The following HIPK2 variants were observed in gnomAD, a reference collection of about 807,000 sequenced individuals.
HIPK2 encodes homeodomain interacting protein kinase 2.
In HIPK2, 27 loss-of-function variants were observed where a neutral mutation model predicts 113.7. The ratio of observed to expected loss-of-function variants is 0.24; its 90% confidence interval spans 0.17 to 0.33. HIPK2 has a LOEUF of 0.33. HIPK2 is among the 10% of genes least tolerant of loss of function. HIPK2 has a pLI of 1.00. For synonymous variants in HIPK2, 631 were observed against 642.2 expected (o/e 0.98, Z 0.26); for missense variants, 1,257 against 1,588.0 (o/e 0.79, Z 3.54).
chr7:139,620,366 G>A (rs1800192664), intron 7 of HIPK2, 35 bp downstream of exon 7: 1 of 1,612,240 alleles, frequency 6.2e-7, no homozygotes, highest in Admixed American at 1.7e-5. Context: ...ACACTGTGCA[G>A]CCCCGCCTCT....
rs557572356 is a variant in HIPK2 at position 139,596,819 on chromosome 7, C to T, written c.2615G>A (p.Arg872Gln). 16 of 1,613,960 alleles carry T rather than the reference C, an allele frequency of 9.9e-6. No individual in the cohort carries two copies. The East Asian group carries it at 1.3e-4, about 13-fold the overall frequency. The change falls in exon 12 of 15, where the codon CGG becomes CAG. Residue 872 changes from arginine to glutamine, a missense_variant. By Grantham distance (43) the Arg-to-Gln change is conservative. Transcript: ENST00000406875. The part of the protein sequence containing the change: ...VASSTTRERQ[R>Q]QTIVIPDTPS... ...AGTGTCGGGAATGACAATTGTCTGCCGCTGCCGTTCCCGGGTGGTGCTGGA... is the reference window on the plus strand; with the variant it reads ...AGTGTCGGGAATGACAATTGTCTGCTGCTGCCGTTCCCGGGTGGTGCTGGA...
chr7:139,763,915 T>C (rs762815712), intron 1 of HIPK2, among the ~76,000 whole-genome samples: 5 of 152,232 alleles, frequency 3.3e-5, no homozygotes, highest in Non-Finnish European at 5.9e-5. Flanking sequence ...CAACTGTCTA[T>C]ATAGTGCCAC....
chr7:139,776,760 G>A (rs955744027), intron 1 of HIPK2, among the ~76,000 whole-genome samples: 1 of 152,224 alleles, frequency 6.6e-6, no homozygotes, highest in African/African-American at 2.4e-5. Flanking sequence ...ACATCGAAGT[G>A]TAAAAACTTA....
chr7:139,629,148 GAAGAGA>G, intron 4 of HIPK2, 109 bp from the exon 5 acceptor site: 1 of 860,278 alleles, frequency 1.2e-6, no homozygotes, highest in East Asian at 2.7e-5. Context: ...CCACATTTCG[GAAGAGA>G]TTTTGATTCT....
intron 2 of HIPK2, among the ~76,000 whole-genome samples, chr7:139,649,663 C>T (rs886561397): frequency 5.3e-5 from 8 of 152,174 alleles, no homozygotes; most frequent in Admixed American, 4.6e-4. Context: ...CCTGTCTGTG[C>T]CTCTGATTAA....
intron 2 of HIPK2, among the ~76,000 whole-genome samples, chr7:139,701,391 G>C (rs1267707239): frequency 6.6e-6 from 1 of 152,226 alleles, no homozygotes; most frequent in African/African-American, 2.4e-5. Flanking sequence ...AGGCTGTGAG[G>C]CTAGACATGA....
At chr7:139,635,991 C>A (rs1031677237) in intron 2 of HIPK2, among the ~76,000 whole-genome samples, 1 of 152,216 alleles carries the variant, frequency 6.6e-6, no homozygotes, top group East Asian at 1.9e-4. Context: ...GTCATCTCCC[C>A]CTGTGGTTCC....
At chr7:139,704,096 C>A (rs1794807638) in intron 2 of HIPK2, among the ~76,000 whole-genome samples, 1 of 127,848 alleles carries the variant, frequency 7.8e-6, no homozygotes, top group African/African-American at 3.0e-5. Context: ...ACCCGCTATA[C>A]CCAACATACA....
intron 2 of HIPK2, among the ~76,000 whole-genome samples, chr7:139,671,609 T>C (rs1435678177): frequency 1.3e-5 from 2 of 152,160 alleles, no homozygotes; most frequent in African/African-American, 4.8e-5. Flanking sequence ...TAGAGTGCAA[T>C]GGCATGATCT....
Position 139,716,563 on chromosome 7 carries a change from C to G in HIPK2, c.472G>C (p.Ala158Pro). ...EEHPPMIQNN[A>P]SGATVATATT... ...GCAGTGGCGACAGTGGCCCCGCTTG[C>G]ATTATTCTGAATCATGGGTGGATGC... Residue 158 changes from alanine (A) to proline (P), a missense_variant, in exon 2 of 15, where the codon GCA becomes CCA. Around this residue, in one of 5 missense-constraint regions of HIPK2, gnomAD observed 209 missense variants for 237.8 expected, o/e 0.88. Coordinates refer to ENST00000406875, the MANE Select transcript of HIPK2 (RefSeq NM_022740.5). The surrounding 1 kb of genome is among the most constrained non-coding windows in gnomAD (Gnocchi z 9.3). 1 of 1,613,994 alleles carries G rather than the reference C, an allele frequency of 6.2e-7. No homozygotes were observed. Among genetic ancestry groups the G allele is most frequent in the Non-Finnish European group, 8.5e-7 (1 of 1,179,890 alleles).
At chr7:139,662,022 T>C (rs1801883890) in intron 2 of HIPK2, among the ~76,000 whole-genome samples, 1 of 152,250 alleles carries the variant, frequency 6.6e-6, no homozygotes, top group Non-Finnish European at 1.5e-5. Context: ...AACTGTTATA[T>C]GTTTAGCTTG....
At chr7:139,579,999 C>T (rs898925596) in intron 13 of HIPK2, among the ~76,000 whole-genome samples, 1 of 152,142 alleles carries the variant, frequency 6.6e-6, no homozygotes, top group African/African-American at 2.4e-5. Context: ...CCATTAGACT[C>T]AAAGGTCCCC....
chr7:139,603,082 G>A (rs1411676563), intron 10 of HIPK2, among the ~76,000 whole-genome samples: 1 of 152,136 alleles, frequency 6.6e-6, no homozygotes, highest in Non-Finnish European at 1.5e-5. Context: ...TGAACTGGAG[G>A]AATGGAGGAA....
chr7:139,591,393 G>C (rs1799017884), intron 12 of HIPK2, among the ~76,000 whole-genome samples: 1 of 152,090 alleles, frequency 6.6e-6, no homozygotes, highest in Admixed American at 6.5e-5. Context: ...TTCCCAACTG[G>C]CCTGGGAGTT....
At chr7:139,584,555 T>C (rs531858018) in intron 12 of HIPK2, among the ~76,000 whole-genome samples, 38 of 152,360 alleles carry the variant, frequency 2.5e-4, no homozygotes, top group African/African-American at 7.5e-4. Context: ...GCAAAGCTTA[T>C]GCAGGAGGGA....
intron 1 of HIPK2, among the ~76,000 whole-genome samples, chr7:139,760,401 T>TA (rs1321984711): frequency 1.3e-5 from 2 of 152,194 alleles, no homozygotes; most frequent in African/African-American, 4.8e-5. Context: ...AACTGAATGA[T>TA]ATGAGCCTAA....
intron 13 of HIPK2, among the ~76,000 whole-genome samples, chr7:139,582,326 C>T (rs1044957768): frequency 8.5e-5 from 13 of 152,238 alleles, no homozygotes; most frequent in African/African-American, 2.9e-4. Context: ...TGTGGCACTG[C>T]TGTGGCTCTA....
chr7:139,602,473 AAAGG>A (rs1293167238), intron 10 of HIPK2, among the ~76,000 whole-genome samples: 1 of 152,170 alleles, frequency 6.6e-6, no homozygotes, highest in Non-Finnish European at 1.5e-5. Flanking sequence ...TGTCAAAACG[AAAGG>A]AAGGAGGGAG....
In HIPK2 at chr7:139,729,838, G is replaced by T. The variant is rs190656034; in HGVS notation, c.20-12823C>A. ...AATAAGGACGGTTAAAGTTTCAGCA[G>T]TACCAGTTTTCAGGTGTTTGAATCA... On this transcript the variant is annotated intron_variant, in intron 1 of 14. Coordinates refer to ENST00000406875, the MANE Select transcript of HIPK2 (RefSeq NM_022740.5). Among the ~76,000 whole-genome samples, 19 of 152,306 alleles carry T rather than the reference G, an allele frequency of 1.2e-4. No individual in the cohort carries two copies. In the East Asian group the frequency reaches 3.5e-3, roughly 28 times the overall value.
Sources: gnomAD v4.1 joint callset for allele counts (sites outside exome capture counted in the v4.1 genomes callset) on GRCh38, gnomAD v4.1.1 for gene constraint, gnomAD v4.1.1 regional missense constraint, Gnocchi (gnomAD v3.1) non-coding constraint, MANE v1.5 for transcripts, NCBI Gene and HGNC (gene_info 2026-07-23, HGNC 2026-07-21) for gene names.